XIRP2: variants seen among roughly 807,000 people sequenced by gnomAD.
XIRP2 encodes xin actin-binding repeat-containing protein 2.
In XIRP2, 236 loss-of-function variants were observed where a neutral mutation model predicts 277.0. The ratio of observed to expected loss-of-function variants is 0.85; its 90% confidence interval spans 0.77 to 0.95. XIRP2 has a LOEUF of 0.95. Among genes scored for constraint, XIRP2 ranks in the 40% least tolerant of loss-of-function variants. The pLI, the probability that XIRP2 is intolerant of heterozygous loss-of-function variation, is 0.00. For synonymous variants in XIRP2, 1,490 were observed against 1,416.5 expected (o/e 1.05, Z -1.17); for missense variants, 4,640 against 4,157.5 (o/e 1.12, Z -3.19).
At chr2:166,949,694 T>A (rs1260966990) in intron 2 of XIRP2, among the ~76,000 whole-genome samples, 1 of 152,100 alleles carries the variant, frequency 6.6e-6, no homozygotes, top group East Asian at 1.9e-4. Context: ...TAATTTAATA[T>A]TACTACAAAT....
intron 3 of XIRP2, among the ~76,000 whole-genome samples, chr2:167,146,605 C>T (rs760898665): frequency 2.6e-5 from 4 of 151,542 alleles, no homozygotes; most frequent in African/African-American, 4.9e-5. Context: ...AAAGGTAGGA[C>T]GGACACAATA....
intron 3 of XIRP2, among the ~76,000 whole-genome samples, chr2:167,181,103 C>T (rs991922904): frequency 1.6e-4 from 24 of 152,286 alleles, no homozygotes; most frequent in African/African-American, 5.3e-4. Flanking sequence ...AACCTAACAA[C>T]ACATCCCTAT....
intron 2 of XIRP2, among the ~76,000 whole-genome samples, chr2:167,119,589 GC>G (rs1408861787): frequency 6.6e-6 from 1 of 152,130 alleles, no homozygotes; most frequent in Non-Finnish European, 1.5e-5. Flanking sequence ...TCTTGATTGT[GC>G]TTCTTTGTCA....
intron 2 of XIRP2, among the ~76,000 whole-genome samples, chr2:167,127,211 G>A (rs1349035847): frequency 6.6e-6 from 1 of 152,128 alleles, no homozygotes; most frequent in Non-Finnish European, 1.5e-5. Context: ...GACTTCCTGT[G>A]TCAGCCACAA....
chr2:166,977,206 C>T (rs1490812641), intron 2 of XIRP2, among the ~76,000 whole-genome samples: 1 of 152,016 alleles, frequency 6.6e-6, no homozygotes, highest in Non-Finnish European at 1.5e-5. Context: ...TGTGCATGTG[C>T]AAGCATTTGT....
At chr2:167,003,131 A>C (rs1687415071) in intron 2 of XIRP2, among the ~76,000 whole-genome samples, 1 of 151,932 alleles carries the variant, frequency 6.6e-6, no homozygotes, top group South Asian at 2.1e-4. Flanking sequence ...TGACAATCAA[A>C]AACATATGTA....
At chr2:167,037,555 G>GTGTT (rs1688545095) in intron 2 of XIRP2, among the ~76,000 whole-genome samples, 3 of 149,152 alleles carry the variant, frequency 2.0e-5, no homozygotes. Context: ...GTGTGTGTGT[G>GTGTT]TGTTTTAAGA....
chr2:167,077,406 G>A (rs760694072), intron 2 of XIRP2, among the ~76,000 whole-genome samples: 27 of 151,838 alleles, frequency 1.8e-4, no homozygotes, highest in East Asian at 1.9e-4. Flanking sequence ...TGTGGCAGCC[G>A]TTAGTTTAAG....
chr2:167,153,991 T>A (rs1692105497), intron 3 of XIRP2, among the ~76,000 whole-genome samples: 5 of 150,590 alleles, frequency 3.3e-5, no homozygotes, highest in Admixed American at 3.3e-4. Context: ...CACACTGACT[T>A]CCACAATGGT....
In XIRP2 at chr2:166,965,135, T is replaced by C. The variant is rs570166538; in HGVS notation, c.408+61245T>C. ...TTAACTTGCAATTCAGTGAACAAATTAGTCATGTGGCCCAATAATAAGGGG... is the reference window on the plus strand; with the variant it reads ...TTAACTTGCAATTCAGTGAACAAATCAGTCATGTGGCCCAATAATAAGGGG... On this transcript the variant is annotated intron_variant, in intron 2 of 10. Coordinates refer to ENST00000409195, the MANE Select transcript of XIRP2 (RefSeq NM_152381.6). 5.9e-5 allele frequency among the ~76,000 whole-genome samples: 9 copies of C among 152,006 alleles called. No individual in the cohort carries two copies. In the South Asian group the frequency reaches 1.7e-3, roughly 28 times the overall value.
chr2:167,012,215 T>C (rs953692804), intron 2 of XIRP2, among the ~76,000 whole-genome samples: 1 of 151,976 alleles, frequency 6.6e-6, no homozygotes, highest in East Asian at 1.9e-4. Flanking sequence ...TAAATTTTCC[T>C]CTACACACTG....
chr2:167,090,075 A>G (rs559384766), intron 2 of XIRP2, among the ~76,000 whole-genome samples: 1 of 152,244 alleles, frequency 6.6e-6, no homozygotes, highest in East Asian at 1.9e-4. Context: ...GAAGAGGGAA[A>G]ATTATTTCTT....
At chr2:167,057,156 C>T (rs1374741599) in intron 2 of XIRP2, among the ~76,000 whole-genome samples, 1 of 152,102 alleles carries the variant, frequency 6.6e-6, no homozygotes, top group Non-Finnish European at 1.5e-5. Context: ...TCATCATCGT[C>T]ATCTATGAAA....
intron 3 of XIRP2, among the ~76,000 whole-genome samples, chr2:167,143,359 AT>A (rs147338993): frequency 0.013 from 2,012 of 152,228 alleles, 46 homozygotes; most frequent in African/African-American, 0.046. Flanking sequence ...AGAAATGCTG[AT>A]TTTTTAAAGT....
intron 2 of XIRP2, among the ~76,000 whole-genome samples, chr2:166,956,460 G>C (rs1048168942): frequency 6.6e-6 from 1 of 151,806 alleles, no homozygotes; most frequent in Non-Finnish European, 1.5e-5. Flanking sequence ...GTCTGTGTGT[G>C]CATGTGACTG....
Position 167,250,041 on chromosome 2 carries a change from T to TA in XIRP2, c.8655dup (p.Leu2886IlefsTer6). Reference sequence around the variant, plus strand: ...AGACCGCTGAAAGTAAAGCTGAACATAAAAAATTGCCCCAGCCATATAATA... The same window carrying TA: ...AGACCGCTGAAAGTAAAGCTGAACATAAAAAAATTGCCCCAGCCATATAATA... On this transcript the variant is annotated frameshift_variant, in exon 9 of 11. Transcript: ENST00000409195. LOFTEE classifies it high-confidence loss of function. 1 of 1,613,482 alleles carries TA rather than the reference T, an allele frequency of 6.2e-7. No homozygotes were observed. Among genetic ancestry groups the TA allele is most frequent in the Non-Finnish European group, 8.5e-7 (1 of 1,179,678 alleles).
At position 166,927,542 on chromosome 2, in the gene XIRP2, G is replaced by A. The variant is rs141834608; in HGVS notation, c.408+23652G>A. On this transcript the variant is annotated intron_variant, in intron 2 of 10. Coordinates refer to ENST00000409195, the MANE Select transcript of XIRP2 (RefSeq NM_152381.6). ...ACAGCCCCCTTCTTCCATCTTCAAA[G>A]CCAGCAATAATGTGTTGAGTTCTTC... Among the ~76,000 whole-genome samples the A allele has an allele frequency of 7.2e-5, 11 of 152,138 alleles. No individual in the cohort carries two copies. The East Asian group carries it at 2.1e-3, about 29-fold the overall frequency.
intron 2 of XIRP2, among the ~76,000 whole-genome samples, chr2:167,126,777 C>T (rs547893500): frequency 1.3e-5 from 2 of 152,270 alleles, no homozygotes; most frequent in South Asian, 2.1e-4. Flanking sequence ...CCTACACCCT[C>T]ATCTCCTGTG....
chr2:167,143,415 C>T (rs1443629983), intron 3 of XIRP2, among the ~76,000 whole-genome samples: 1 of 151,922 alleles, frequency 6.6e-6, no homozygotes, highest in Non-Finnish European at 1.5e-5. Flanking sequence ...AGAAAGAACG[C>T]ATGTGTGAGA....
Sources: allele counts gnomAD v4.1 joint callset (sites outside exome capture counted in the v4.1 genomes callset), GRCh38; gene constraint gnomAD v4.1.1; transcripts MANE v1.5; gene names NCBI Gene and HGNC (gene_info 2026-07-23, HGNC 2026-07-21).